PIK3R3: variants seen among roughly 807,000 people sequenced by gnomAD.
The protein encoded by PIK3R3 is phosphoinositide-3-kinase regulatory subunit 3.
A neutral mutation model predicts 62.9 loss-of-function variants in PIK3R3; 64 were observed. That is an observed-to-expected ratio of 1.02 (90% CI 0.83 to 1.25). The LOEUF is 1.25. Ranked by LOEUF, PIK3R3 falls within the 50% of genes most tolerant of loss-of-function variation. The pLI is 0.00. For missense variants in PIK3R3, 614 were observed against 561.6 expected, an observed-to-expected ratio of 1.09 and a Z score of -0.94; for synonymous variants, 165 against 189.0, an observed-to-expected ratio of 0.87 and a Z score of 1.04.
intron 1 of PIK3R3, among the ~76,000 whole-genome samples, chr1:46,082,208 A>G (rs1477419011): frequency 6.6e-6 from 1 of 152,198 alleles, no homozygotes; most frequent in African/African-American, 2.4e-5. Flanking sequence ...ACTAAAAAGG[A>G]TGTAACATCA....
chr1:46,067,223 A>C (rs1649086058), intron 3 of PIK3R3, 132 bp from the exon 4 acceptor site: 1 of 460,370 alleles, frequency 2.2e-6, no homozygotes, highest in Non-Finnish European at 3.9e-6. Context: ...GGCTGGAAGG[A>C]GTGAAAAGGC....
intron 1 of PIK3R3, among the ~76,000 whole-genome samples, chr1:46,107,065 T>C (rs1003413035): frequency 9.2e-5 from 14 of 152,140 alleles, no homozygotes; most frequent in African/African-American, 3.4e-4. Flanking sequence ...CCGGCTGCCT[T>C]AGTCTTTTAA....
At chr1:46,153,508 G>A in the PIK3R3 span, among the ~76,000 whole-genome samples, 1 of 152,196 alleles carries the variant, frequency 6.6e-6, no homozygotes, top group Non-Finnish European at 1.5e-5. Context: ...TTCTGTCCTG[G>A]CTGCTGCCAC....
chr1:46,068,166 A>G (rs1649175811), intron 3 of PIK3R3, among the ~76,000 whole-genome samples: 1 of 152,242 alleles, frequency 6.6e-6, no homozygotes, highest in African/African-American at 2.4e-5. Context: ...TAGATGGATG[A>G]TAAATTATTT....
intron 3 of PIK3R3, among the ~76,000 whole-genome samples, chr1:46,075,953 G>C (rs1223098853): frequency 6.6e-6 from 1 of 152,230 alleles, no homozygotes; most frequent in Non-Finnish European, 1.5e-5. Context: ...AAAGGCTGGA[G>C]TTCTGATTTC....
At chr1:46,101,958 T>G (rs907528321) in intron 1 of PIK3R3, among the ~76,000 whole-genome samples, 1 of 151,462 alleles carries the variant, frequency 6.6e-6, no homozygotes, top group Middle Eastern at 3.2e-3. Context: ...CAATGTAATG[T>G]ATCAAAACAT....
the PIK3R3 span, among the ~76,000 whole-genome samples, chr1:46,148,743 G>GGAGAGA: frequency 9.9e-4 from 142 of 143,460 alleles, 1 homozygote; most frequent in Non-Finnish European, 1.0e-3. Context: ...CCAAGATTTT[G>GGAGAGA]GAGAGAGAGA....
chr1:46,122,317 C>T lies in PIK3R3; in HGVS notation c.106+9530G>A, dbSNP rs115922232. Among the ~76,000 whole-genome samples, 732 of 152,204 alleles carry T rather than the reference C, an allele frequency of 4.8e-3. 1 individual carries two copies. The highest frequency in any genetic ancestry group is 8.9e-3 in the South Asian group (43 of 4,828). ...ATAACACACTGGATAACTTAAAACTCTCCGTTTGGCCCTGTGTTATTTAAA... is the reference window on the plus strand; with the variant it reads ...ATAACACACTGGATAACTTAAAACTTTCCGTTTGGCCCTGTGTTATTTAAA... On this transcript the variant is annotated intron_variant, in intron 1 of 9. Coordinates refer to ENST00000262741, the MANE Select transcript of PIK3R3 (RefSeq NM_003629.4).
chr1:46,091,483 T>TACACACACAC (rs111759714), intron 1 of PIK3R3, among the ~76,000 whole-genome samples: 1 of 149,626 alleles, frequency 6.7e-6, no homozygotes, highest in South Asian at 2.1e-4. Flanking sequence ...CACACACACA[T>TACACACACAC]ACACACACAC....
At chr1:46,147,566 C>T in the PIK3R3 span, among the ~76,000 whole-genome samples, 1 of 152,152 alleles carries the variant, frequency 6.6e-6, no homozygotes, top group East Asian at 1.9e-4. Flanking sequence ...TACAGGCGCC[C>T]ACCACCACGC....
chr1:46,073,617 C>G (rs541787873), intron 3 of PIK3R3, among the ~76,000 whole-genome samples: 1 of 151,778 alleles, frequency 6.6e-6, no homozygotes, highest in African/African-American at 2.4e-5. Flanking sequence ...CCAAATAAAC[C>G]GTTGCCTTTC....
At chr1:46,168,672 A>G in the PIK3R3 span, among the ~76,000 whole-genome samples, 2 of 152,202 alleles carry the variant, frequency 1.3e-5, no homozygotes, top group Non-Finnish European at 2.9e-5. Flanking sequence ...CAATTGTGCA[A>G]GATTGCTGGG....
chr1:46,150,252 C>A, the PIK3R3 span, among the ~76,000 whole-genome samples: 1 of 152,200 alleles, frequency 6.6e-6, no homozygotes, highest in African/African-American at 2.4e-5. Flanking sequence ...TTGCTGGAAA[C>A]AACTCACTCC....
chr1:46,062,055 CT>C lies in PIK3R3; in HGVS notation c.637del (p.Arg213GlyfsTer4). 6.2e-7 allele frequency: 1 copy of C among 1,609,350 alleles called. No homozygotes were observed. The highest frequency in any genetic ancestry group is 8.5e-7 in the Non-Finnish European group (1 of 1,178,106). On this transcript the variant is annotated frameshift_variant, in exon 6 of 10. Coordinates refer to ENST00000262741, the MANE Select transcript of PIK3R3 (RefSeq NM_003629.4). LOFTEE classifies it high-confidence loss of function. The part of the protein sequence containing the change: ...TRTSQEIQMK[R>X]TAIEAFNETI... The stretch of plus-strand genomic sequence containing the variant: ...TTCATTAAAAGCTTCTATTGCAGTC[CT>C]CTTCATCTGTATTTCCTACAGGAGA...
the PIK3R3 span, among the ~76,000 whole-genome samples, chr1:46,146,447 C>T: frequency 5.3e-3 from 806 of 152,266 alleles, 5 homozygotes; most frequent in Non-Finnish European, 9.9e-3. Context: ...TTATTTTATT[C>T]TTGCATCTTC....
intron 1 of PIK3R3, among the ~76,000 whole-genome samples, chr1:46,101,368 C>A (rs191370536): frequency 6.6e-6 from 1 of 151,722 alleles, no homozygotes; most frequent in Non-Finnish European, 1.5e-5. Flanking sequence ...TGGTGGCATG[C>A]GCCTGTAGTC....
At chr1:46,173,870 C>T in the PIK3R3 span, among the ~76,000 whole-genome samples, 1 of 152,160 alleles carries the variant, frequency 6.6e-6, no homozygotes, top group Admixed American at 6.5e-5. Flanking sequence ...AGTGCATGCA[C>T]ACACACATAC....
At chr1:46,173,696 G>T in the PIK3R3 span, among the ~76,000 whole-genome samples, 2 of 151,152 alleles carry the variant, frequency 1.3e-5, no homozygotes, top group Non-Finnish European at 3.0e-5. Flanking sequence ...GAACCTGAAG[G>T]GGGAGGGGCA....
intron 9 of PIK3R3, 48 bp from the exon 10 acceptor site, chr1:46,043,919 TA>T: frequency 6.7e-7 from 1 of 1,486,982 alleles, no homozygotes. Context: ...TAACAATAGA[TA>T]AAAGGACACT....
Sources: gnomAD v4.1 joint callset for allele counts (sites outside exome capture counted in the v4.1 genomes callset) on GRCh38, gnomAD v4.1.1 for gene constraint, MANE v1.5 for transcripts, NCBI Gene and HGNC (gene_info 2026-07-23, HGNC 2026-07-21) for gene names.